KDM3B: variants seen among roughly 807,000 people sequenced by gnomAD.
The protein encoded by KDM3B is lysine-specific demethylase 3B.
A neutral mutation model predicts 170.0 loss-of-function variants in KDM3B; 10 were observed. That is an observed-to-expected ratio of 0.06 (90% CI 0.04 to 0.10). The LOEUF is 0.10. KDM3B is among the 10% of genes least tolerant of loss of function. The pLI is 1.00. For synonymous variants in KDM3B, 831 were observed against 834.8 expected, an observed-to-expected ratio of 1.00 and a Z score of 0.08; for missense variants, 1,394 against 2,195.2, an observed-to-expected ratio of 0.64 and a Z score of 7.29.
Position 138,352,764 on chromosome 5 carries a change from G to T in KDM3B, c.-32G>T, listed in dbSNP as rs886291860. On this transcript the variant is annotated 5_prime_UTR_variant, in exon 1 of 24. Coordinates refer to ENST00000314358, the MANE Select transcript of KDM3B (RefSeq NM_016604.4). ...GGCGGCGGAGGTGGTGGGAGGCGGCGGGCGGGAGCGCGGGTCAGGCCGGCC... is the reference window on the plus strand; with the variant it reads ...GGCGGCGGAGGTGGTGGGAGGCGGCTGGCGGGAGCGCGGGTCAGGCCGGCC... The T allele has an allele frequency of 1.7e-6, 2 of 1,206,838 alleles. No individual in the cohort carries two copies. Among genetic ancestry groups the T allele is most frequent in the Middle Eastern group, 3.3e-4 (1 of 3,004 alleles). The allele number at this position is 1,206,838 out of a possible 1,614,324, so 74.8% of individuals were successfully genotyped here. A position where few individuals can be genotyped will look rare whatever the true frequency, so the allele number is the denominator to read the frequency against.
intron 11 of KDM3B, among the ~76,000 whole-genome samples, chr5:138,405,460 C>T (rs904974307): frequency 6.6e-6 from 1 of 152,006 alleles, no homozygotes; most frequent in Admixed American, 6.6e-5. Flanking sequence ...GAGCCATCAT[C>T]ACTTCACTGC....
intron 1 of KDM3B, among the ~76,000 whole-genome samples, chr5:138,364,242 AATT>A (rs777479228): frequency 2.0e-5 from 3 of 152,086 alleles, no homozygotes; most frequent in Non-Finnish European, 4.4e-5. Flanking sequence ...TTTTACTAAA[AATT>A]ATTCATTTTA....
chr5:138,431,312 G>T, intron 22 of KDM3B, 113 bp from the exon 23 acceptor site: 1 of 872,992 alleles, frequency 1.1e-6, no homozygotes, highest in East Asian at 2.8e-5. Context: ...TTATAAAAAT[G>T]GAAATATTAT....
chr5:138,424,450 T>C (rs2126999012), intron 16 of KDM3B, 109 bp downstream of exon 16: 1 of 1,265,734 alleles, frequency 7.9e-7, no homozygotes, highest in Non-Finnish European at 1.1e-6. Context: ...CATAGTGAGG[T>C]TATTGTAATA....
In KDM3B at chr5:138,427,220, C is replaced by G; in HGVS notation, c.4534C>G (p.Pro1512Ala). 2.5e-6 allele frequency: 4 copies of G among 1,613,804 alleles called. No homozygotes were observed. The highest frequency in any genetic ancestry group is 1.1e-5 in the South Asian group (1 of 91,082). ...FEDLMENLPL[P>A]EYTKRDGRLN... ...AGATCTGATGGAGAACCTTCCTCTG[C>G]CAGAATATACCAAACGAGATGGCAG... is the stretch of plus-strand genomic sequence containing the variant. Residue 1512 changes from proline to alanine, a missense_variant, in exon 19 of 24, where the codon CCA (proline) becomes GCA (alanine). This residue lies in a region of KDM3B where 66 missense variants were observed against 178.8 expected (regional missense o/e 0.37). Coordinates refer to ENST00000314358, the MANE Select transcript of KDM3B (RefSeq NM_016604.4).
At chr5:138,356,268 A>T (rs1343235394) in intron 1 of KDM3B, among the ~76,000 whole-genome samples, 3 of 152,192 alleles carry the variant, frequency 2.0e-5, no homozygotes, top group Non-Finnish European at 2.9e-5. Context: ...TCGGTTAAGA[A>T]GTATATGTAT....
At chr5:138,411,173 C>T (rs1762959476) in intron 11 of KDM3B, among the ~76,000 whole-genome samples, 10 of 152,228 alleles carry the variant, frequency 6.6e-5, no homozygotes, top group Admixed American at 5.9e-4. Flanking sequence ...CGGGCGTCTT[C>T]CCAAATGCTG....
intron 15 of KDM3B, among the ~76,000 whole-genome samples, chr5:138,422,856 G>C (rs7737080): frequency 0.6 from 90,732 of 151,554 alleles, 27,448 homozygotes; most frequent in East Asian, 0.85. Flanking sequence ...ATTTCTTCTT[G>C]GGTTTTATGA....
At chr5:138,388,117 A>G (rs1347694682) in intron 7 of KDM3B, among the ~76,000 whole-genome samples, 1 of 152,064 alleles carries the variant, frequency 6.6e-6, no homozygotes, top group East Asian at 1.9e-4. Context: ...CTCCATGTCA[A>G]AGGCAGTGTG....
At chr5:138,372,939 T>C in intron 2 of KDM3B, 98 bp downstream of exon 2, 1 of 1,075,980 alleles carries the variant, frequency 9.3e-7, no homozygotes, top group Non-Finnish European at 1.3e-6. Context: ...ACTACATACT[T>C]TGTCCTTAAC....
intron 5 of KDM3B, among the ~76,000 whole-genome samples, chr5:138,381,004 C>T (rs568587125): frequency 1.2e-4 from 18 of 151,850 alleles, no homozygotes; most frequent in African/African-American, 3.6e-4. Context: ...CCTCCTGATT[C>T]GCTGAGATTA....
At position 138,377,821 on chromosome 5, in the gene KDM3B, C is replaced by T. The variant is rs1762036015; in HGVS notation, c.576C>T (p.Ser192=). 1.2e-6 allele frequency: 2 copies of T among 1,609,278 alleles called. No individual in the cohort carries two copies. The highest frequency in any genetic ancestry group is 1.3e-5 in the African/African-American group (1 of 74,944). The change falls in exon 4 of 24, where the codon AGC becomes AGT. Residue 192 remains serine, a synonymous_variant. Transcript: ENST00000314358. ...ACCAAAAGCTACAAGAGATATTCAG[C>T]CGAGGTAAGAACGGATAGTCTTCTG... ...ISDQKLQEIF[S]RGPYSVQGHR... is the part of the protein sequence containing the mutation.
chr5:138,358,239 T>G (rs1017669066), intron 1 of KDM3B, among the ~76,000 whole-genome samples: 3 of 151,530 alleles, frequency 2.0e-5, no homozygotes, highest in African/African-American at 7.3e-5. Flanking sequence ...TGCCTCGGCC[T>G]TCCAAGTGCT....
At chr5:138,366,177 T>C (rs879364240) in intron 1 of KDM3B, among the ~76,000 whole-genome samples, 2 of 152,134 alleles carry the variant, frequency 1.3e-5, no homozygotes. Context: ...GTCTATTAGA[T>C]AGATCTCATT....
chr5:138,421,137 G>A (rs186437429), intron 15 of KDM3B, among the ~76,000 whole-genome samples, 175 bp downstream of exon 15: 235 of 152,324 alleles, frequency 1.5e-3, no homozygotes, highest in South Asian at 0.011. Context: ...TTTGTACCAT[G>A]TTAGGAAGTC....
chr5:138,390,241 C>A (rs1190268569), intron 7 of KDM3B, among the ~76,000 whole-genome samples: 2 of 152,120 alleles, frequency 1.3e-5, no homozygotes, highest in African/African-American at 4.8e-5. Context: ...TCTGTTATTT[C>A]ATTCTTCAGT....
At position 138,386,209 on chromosome 5, in the gene KDM3B, C is replaced by A; in HGVS notation, c.968C>A (p.Pro323His). Residue 323 changes from proline to histidine, a missense_variant, in exon 7 of 24, where the codon CCC becomes CAC. This residue lies in a region of KDM3B where 205 missense variants were observed against 227.6 expected (regional missense o/e 0.90). Coordinates refer to ENST00000314358, the MANE Select transcript of KDM3B (RefSeq NM_016604.4). ...GATGGAGGTGAGGCAAGCCGAGGGC[C>A]CTGGAAAGGAGGGAATGCCAGTGGA... ...GSDGGEASRG[P>H]WKGGNASGEP... 1 of 1,614,018 alleles carries A rather than the reference C, an allele frequency of 6.2e-7. No individual in the cohort carries two copies. The highest frequency in any genetic ancestry group is 1.3e-5 in the African/African-American group (1 of 74,992).
chr5:138,406,928 A>G (rs988205529), intron 11 of KDM3B, among the ~76,000 whole-genome samples: 6 of 151,750 alleles, frequency 4.0e-5, no homozygotes, highest in Non-Finnish European at 8.8e-5. Context: ...CTCAATGCAG[A>G]TCTTTTAGAC....
chr5:138,390,972 T>G, intron 7 of KDM3B, 41 bp from the exon 8 acceptor site: 1 of 1,503,104 alleles, frequency 6.7e-7, no homozygotes, highest in Non-Finnish European at 8.9e-7. Flanking sequence ...TAGATTGTCA[T>G]GAGAAGCCAG....
Sources: gnomAD v4.1 joint callset for allele counts (sites outside exome capture counted in the v4.1 genomes callset) on GRCh38, gnomAD v4.1.1 for gene constraint, gnomAD v4.1.1 regional missense constraint, MANE v1.5 for transcripts, NCBI Gene and HGNC (gene_info 2026-07-23, HGNC 2026-07-21) for gene names.